Variants in NPAS3 observed in about 807,000 individuals in gnomAD.
NPAS3 encodes neuronal PAS domain protein 3, also known as neuronal PAS domain-containing protein 3.
In NPAS3, 14 loss-of-function variants were observed where a neutral mutation model predicts 73.1. The ratio of observed to expected loss-of-function variants is 0.19; its 90% CI spans 0.13 to 0.30. NPAS3 has a LOEUF of 0.30. Among genes scored for constraint, NPAS3 ranks in the 10% least tolerant of loss-of-function variants. The pLI, the probability that NPAS3 is intolerant of heterozygous loss-of-function variation, is 1.00. For synonymous variants in NPAS3, 620 were observed against 541.5 expected (o/e 1.14, Z -2.01); for missense variants, 1,096 against 1,250.0 (o/e 0.88, Z 1.86).
At chr14:33,262,956 T>A (rs1437171621) in intron 3 of NPAS3, among the ~76,000 whole-genome samples, 1 of 152,174 alleles carries the variant, frequency 6.6e-6, no homozygotes, top group African/African-American at 2.4e-5. Context: ...CTTTGCCCAC[T>A]TGTTGATGGG....
chr14:33,586,646 A>G (rs1047899609), intron 5 of NPAS3, among the ~76,000 whole-genome samples: 2 of 152,234 alleles, frequency 1.3e-5, no homozygotes, highest in African/African-American at 4.8e-5. Context: ...TTTAATGCCA[A>G]TACATTTTCT....
chr14:33,679,685 G>C (rs912996705), intron 6 of NPAS3, among the ~76,000 whole-genome samples: 4 of 152,098 alleles, frequency 2.6e-5, no homozygotes, highest in Non-Finnish European at 5.9e-5. Context: ...TAAATGACTG[G>C]AATCTAAATA....
At chr14:33,166,742 A>ATGG (rs1395061826) in intron 2 of NPAS3, among the ~76,000 whole-genome samples, 1 of 152,170 alleles carries the variant, frequency 6.6e-6, no homozygotes, top group African/African-American at 2.4e-5. Context: ...ATGGGATGAG[A>ATGG]TGGTACACAT....
chr14:33,597,014 G>A (rs2057262456), intron 5 of NPAS3, among the ~76,000 whole-genome samples: 1 of 152,158 alleles, frequency 6.6e-6, no homozygotes, highest in African/African-American at 2.4e-5. Flanking sequence ...CCAGATTGCG[G>A]GGTGGGACTG....
intron 4 of NPAS3, among the ~76,000 whole-genome samples, chr14:33,466,132 T>G (rs1167733513): frequency 6.6e-6 from 1 of 152,022 alleles, no homozygotes; most frequent in Non-Finnish European, 1.5e-5. Context: ...CCCAGGAGTA[T>G]TACACTGTGT....
intron 4 of NPAS3, among the ~76,000 whole-genome samples, chr14:33,369,540 C>T (rs1992325): frequency 0.15 from 23,507 of 151,742 alleles, 2,286 homozygotes; most frequent in East Asian, 0.36. Context: ...GGGCTGGTCA[C>T]ACTTGGAATA....
At chr14:33,576,781 T>G (rs763772475) in intron 5 of NPAS3, among the ~76,000 whole-genome samples, 4 of 152,216 alleles carry the variant, frequency 2.6e-5, no homozygotes, top group Non-Finnish European at 5.9e-5. Context: ...TCCTGCTGTT[T>G]GCGAGACATT....
chr14:33,775,942 G>A (rs2062800823), intron 8 of NPAS3, among the ~76,000 whole-genome samples: 1 of 152,220 alleles, frequency 6.6e-6, no homozygotes, highest in African/African-American at 2.4e-5. Flanking sequence ...TGAGGCAGGT[G>A]CTGCTGCTGT....
intron 2 of NPAS3, among the ~76,000 whole-genome samples, chr14:33,078,256 G>T (rs1343600990): frequency 1.3e-5 from 2 of 152,324 alleles, no homozygotes; most frequent in South Asian, 4.1e-4. Context: ...ATGGGTATTT[G>T]TTTCACAGAC....
intron 2 of NPAS3, among the ~76,000 whole-genome samples, chr14:33,140,790 G>A (rs1187689396): frequency 1.3e-5 from 2 of 152,158 alleles, no homozygotes; most frequent in Non-Finnish European, 2.9e-5. Flanking sequence ...AGCAAAAGAT[G>A]AGAAGTGTTA....
intron 3 of NPAS3, among the ~76,000 whole-genome samples, chr14:33,301,206 C>A (rs1391002704): frequency 6.6e-6 from 1 of 150,756 alleles, no homozygotes. Flanking sequence ...TACTATGCCA[C>A]TTTTCTTCCA....
chr14:33,272,541 C>A (rs914098259), intron 3 of NPAS3, among the ~76,000 whole-genome samples: 3 of 152,176 alleles, frequency 2.0e-5, no homozygotes, highest in South Asian at 2.1e-4. Flanking sequence ...CTCAGCCTCC[C>A]GAGTGGCTGG....
intron 3 of NPAS3, among the ~76,000 whole-genome samples, chr14:33,259,746 G>A (rs2048902721): frequency 6.6e-6 from 1 of 152,166 alleles, no homozygotes; most frequent in Non-Finnish European, 1.5e-5. Flanking sequence ...ACAGCATGGT[G>A]CTTGTGACAG....
intron 2 of NPAS3, among the ~76,000 whole-genome samples, chr14:33,106,977 T>G (rs1318197192): frequency 2.0e-5 from 3 of 152,148 alleles, no homozygotes; most frequent in Non-Finnish European, 2.9e-5. Flanking sequence ...AGGATTGGGT[T>G]GGGGGACCAT....
At chr14:33,758,341 C>T (rs1018592282) in intron 7 of NPAS3, among the ~76,000 whole-genome samples, 10 of 152,200 alleles carry the variant, frequency 6.6e-5, no homozygotes, top group Non-Finnish European at 1.3e-4. Flanking sequence ...TCAAATGCTG[C>T]CTCCTCCCTG....
intron 2 of NPAS3, among the ~76,000 whole-genome samples, chr14:33,080,792 C>T (rs1452700613): frequency 6.6e-6 from 1 of 152,178 alleles, no homozygotes; most frequent in Non-Finnish European, 1.5e-5. Context: ...AAAGAAGAGA[C>T]CACAAGTAGG....
At chr14:33,025,732 C>T (rs1314505497) in intron 1 of NPAS3, among the ~76,000 whole-genome samples, 1 of 152,164 alleles carries the variant, frequency 6.6e-6, no homozygotes, top group Non-Finnish European at 1.5e-5. Flanking sequence ...CTTCCCCCTT[C>T]ATTCTTTCTC....
exon 12 of NPAS3, chr14:33,801,087 C>G (rs1201752156): frequency 6.3e-7 from 1 of 1,589,748 alleles, no homozygotes. Context: ...GCGGCACAGA[C>G]TCTGGAGCGC....
intron 2 of NPAS3, among the ~76,000 whole-genome samples, chr14:33,188,838 C>G (rs2046071764): frequency 6.6e-6 from 1 of 152,134 alleles, no homozygotes; most frequent in Non-Finnish European, 1.5e-5. Flanking sequence ...AAACAGTCAT[C>G]ATACTCAACT....
Sources: gnomAD v4.1 joint callset for allele counts (sites outside exome capture counted in the v4.1 genomes callset) on GRCh38, gnomAD v4.1.1 for gene constraint, MANE v1.5 for transcripts, NCBI Gene and HGNC (gene_info 2026-07-23, HGNC 2026-07-21) for gene names.